Variants in RAD52 observed in about 807,000 individuals in gnomAD.
The protein encoded by RAD52 is RAD52 DNA repair protein.
A neutral mutation model predicts 55.5 loss-of-function variants in RAD52; 47 were observed. The observed-to-expected ratio is 0.85, with a 90% CI of 0.67 to 1.08. RAD52 has a LOEUF of 1.08. Ranked by LOEUF, RAD52 falls within the 50% of genes least tolerant of loss-of-function variation. The pLI, the probability that RAD52 is intolerant of heterozygous loss-of-function variation, is 0.00. For synonymous variants in RAD52, 184 were observed against 198.9 expected, an observed-to-expected ratio of 0.92 and a Z score of 0.63; for missense variants, 468 against 522.8, an observed-to-expected ratio of 0.90 and a Z score of 1.02.
chr12:925,347 G>A (rs557686733), intron 7 of RAD52, 103 bp downstream of exon 7: 3 of 941,674 alleles, frequency 3.2e-6, no homozygotes, highest in African/African-American at 1.6e-5. Context: ...CCTCTAAAGA[G>A]CTGAGTCCTC....
chr12:932,799 G>A (rs1433404498), intron 2 of RAD52, among the ~76,000 whole-genome samples, 176 bp downstream of exon 2: 1 of 27,026 alleles, frequency 3.7e-5, no homozygotes, highest in Non-Finnish European at 1.7e-4. Context: ...CCGCGTCAAC[G>A]TACTAGGTAC....
intron 3 of RAD52, among the ~76,000 whole-genome samples, chr12:930,363 A>G (rs1302055220): frequency 6.6e-6 from 1 of 152,050 alleles, no homozygotes; most frequent in Non-Finnish European, 1.5e-5. Flanking sequence ...TAAGTGACAG[A>G]GTGAGAACCA....
intron 7 of RAD52, among the ~76,000 whole-genome samples, chr12:921,302 A>G (rs1956714627): frequency 6.6e-6 from 1 of 152,182 alleles, no homozygotes; most frequent in Non-Finnish European, 1.5e-5. Flanking sequence ...ACAATACGAA[A>G]AAGCTCAATA....
At chr12:939,420 G>A (rs969516180) in intron 1 of RAD52, among the ~76,000 whole-genome samples, 25 of 152,240 alleles carry the variant, frequency 1.6e-4, no homozygotes, top group Admixed American at 1.4e-3. Flanking sequence ...AAAGCACTGG[G>A]ATTACAGACG....
At chr12:981,646 A>T (rs1959016864) in intron 1 of RAD52, among the ~76,000 whole-genome samples, 1 of 151,738 alleles carries the variant, frequency 6.6e-6, no homozygotes, top group Admixed American at 6.6e-5. Context: ...AATCCCAGCT[A>T]CTCAGGAGGC....
At chr12:975,736 C>T (rs1958927003) in intron 1 of RAD52, 1 of 152,186 alleles carries the variant, frequency 6.6e-6, no homozygotes, top group African/African-American at 2.4e-5. Context: ...CCACTCATTC[C>T]ATTCTCTCTT....
At chr12:940,121 A>G (rs1363451339) in intron 1 of RAD52, among the ~76,000 whole-genome samples, 2 of 152,016 alleles carry the variant, frequency 1.3e-5, no homozygotes, top group African/African-American at 4.8e-5. Flanking sequence ...CCTAAGATGG[A>G]ACTAAAATAT....
intron 1 of RAD52, among the ~76,000 whole-genome samples, chr12:980,490 C>T (rs1394559461): frequency 6.6e-6 from 1 of 151,596 alleles, no homozygotes; most frequent in Non-Finnish European, 1.5e-5. Context: ...GACGAGGTTG[C>T]ACCATGTTGG....
At chr12:972,383 G>A (rs982506632) in intron 1 of RAD52, among the ~76,000 whole-genome samples, 2 of 152,152 alleles carry the variant, frequency 1.3e-5, no homozygotes, top group Admixed American at 6.6e-5. Flanking sequence ...GGGGCACCAG[G>A]GAAGGCTCAG....
intron 1 of RAD52, among the ~76,000 whole-genome samples, chr12:969,178 T>C (rs115472245): frequency 6.6e-6 from 1 of 152,168 alleles, no homozygotes; most frequent in African/African-American, 2.4e-5. Flanking sequence ...TACTATGCCA[T>C]TTCATATCAG....
chr12:914,298 G>A (rs568927580), intron 10 of RAD52, 133 bp downstream of exon 10: 90 of 1,378,796 alleles, frequency 6.5e-5, no homozygotes, highest in Non-Finnish European at 8.3e-5. Flanking sequence ...AAGAGGAACT[G>A]GACATATGCT....
At chr12:954,056 T>C (rs1958571877), upstream of RAD52, among the ~76,000 whole-genome samples, 1 of 152,214 alleles carries the variant, frequency 6.6e-6, no homozygotes, top group African/African-American at 2.4e-5. Context: ...TGTGAAATGT[T>C]ATCTTTTTTA....
intron 7 of RAD52, among the ~76,000 whole-genome samples, chr12:918,246 AT>A (rs1266348423): frequency 7.9e-5 from 12 of 152,252 alleles, no homozygotes; most frequent in African/African-American, 2.9e-4. Context: ...CCACATACTC[AT>A]GCAAAAGAAA....
intron 7 of RAD52, among the ~76,000 whole-genome samples, chr12:925,107 C>T (rs930317960): frequency 2.0e-5 from 3 of 151,944 alleles, no homozygotes; most frequent in African/African-American, 4.8e-5. Context: ...CCCACCACCT[C>T]GCCCGGCTAA....
chr12:987,160 G>A (rs561350808), intron 1 of RAD52, among the ~76,000 whole-genome samples: 3 of 151,882 alleles, frequency 2.0e-5, no homozygotes, highest in East Asian at 1.9e-4. Context: ...TAGTAGAGAC[G>A]AGGTTTCACC....
At chr12:935,921 G>T (rs1399380827) in intron 1 of RAD52, among the ~76,000 whole-genome samples, 1 of 149,968 alleles carries the variant, frequency 6.7e-6, no homozygotes, top group Admixed American at 6.6e-5. Flanking sequence ...GTTTCACCAT[G>T]TTGGCCAGCC....
At chr12:914,632 C>G in intron 9 of RAD52, 100 bp from the exon 10 acceptor site, 2 of 1,431,360 alleles carry the variant, frequency 1.4e-6, no homozygotes, top group South Asian at 2.5e-5. Flanking sequence ...GGAACACTCT[C>G]CGAAGCACAA....
intron 1 of RAD52, among the ~76,000 whole-genome samples, chr12:937,212 C>T (rs1565679756): frequency 6.6e-6 from 1 of 152,178 alleles, no homozygotes; most frequent in Non-Finnish European, 1.5e-5. Context: ...ACCAACTGTA[C>T]TTGCACCAAG....
chr12:965,015 TC>T (rs1958739024), intron 1 of RAD52, among the ~76,000 whole-genome samples: 1 of 151,978 alleles, frequency 6.6e-6, no homozygotes, highest in East Asian at 1.9e-4. Context: ...AGTCTCACTC[TC>T]TTGCCTAGGC....
Sources: allele counts gnomAD v4.1 joint callset (sites outside exome capture counted in the v4.1 genomes callset), GRCh38; gene constraint gnomAD v4.1.1; transcripts MANE v1.5; gene names NCBI Gene and HGNC (gene_info 2026-07-23, HGNC 2026-07-21).